UBAP2: variants seen among roughly 807,000 people sequenced by gnomAD.
UBAP2 encodes ubiquitin-associated protein 2.
In UBAP2, 75 loss-of-function variants were observed where a neutral mutation model predicts 139.6. That is an observed-to-expected ratio of 0.54 (90% confidence interval 0.45 to 0.65). The LOEUF is 0.65. Among genes scored for constraint, UBAP2 ranks in the 30% least tolerant of loss-of-function variants. UBAP2 has a pLI of 0.00. For synonymous variants in UBAP2, 526 were observed against 526.2 expected (o/e 1.00, Z 0.01); for missense variants, 1,368 against 1,369.6 (o/e 1.00, Z 0.02).
chr9:33,922,648 G>A (rs1233042192), intron 28 of UBAP2, 39 bp downstream of exon 28: 18 of 1,590,698 alleles, frequency 1.1e-5, no homozygotes, highest in Admixed American at 1.7e-5. Context: ...CAGAACCCCT[G>A]GCCCAGAGTA....
chr9:34,021,779 G>A (rs1824964807), intron 1 of UBAP2, among the ~76,000 whole-genome samples: 2 of 151,994 alleles, frequency 1.3e-5, no homozygotes, highest in South Asian at 4.2e-4. Context: ...GACTACAGAC[G>A]CCTGCCACCA....
At chr9:33,985,990 C>T (rs1449981900) in intron 6 of UBAP2, among the ~76,000 whole-genome samples, 4 of 152,032 alleles carry the variant, frequency 2.6e-5, no homozygotes, top group African/African-American at 9.7e-5. Flanking sequence ...CACTGCACTC[C>T]AGCCTGGGTG....
At chr9:33,963,103 C>T (rs1192171098) in intron 9 of UBAP2, among the ~76,000 whole-genome samples, 1 of 152,120 alleles carries the variant, frequency 6.6e-6, no homozygotes, top group Admixed American at 6.5e-5. Context: ...AATCTGAGTA[C>T]ATTTAAAAGC....
intron 1 of UBAP2, among the ~76,000 whole-genome samples, chr9:34,029,243 T>C (rs961757940): frequency 8.6e-5 from 13 of 150,524 alleles, no homozygotes; most frequent in African/African-American, 3.2e-4. Flanking sequence ...AATGTGTACA[T>C]AGGGCCAGGC....
intron 4 of UBAP2, among the ~76,000 whole-genome samples, chr9:33,989,437 G>C (rs757895907): frequency 6.6e-6 from 1 of 152,056 alleles, no homozygotes; most frequent in Non-Finnish European, 1.5e-5. Flanking sequence ...TCCTGACCTC[G>C]TGATCTGCCC....
intron 20 of UBAP2, 73 bp from the exon 21 acceptor site, chr9:33,927,153 G>A (rs1289661808): frequency 1.1e-5 from 13 of 1,204,522 alleles, no homozygotes; most frequent in Non-Finnish European, 1.5e-5. Flanking sequence ...TGCTTCAGGA[G>A]GAGGCACAGT....
intron 12 of UBAP2, among the ~76,000 whole-genome samples, chr9:33,952,400 T>C (rs1474509267): frequency 2.0e-5 from 3 of 152,148 alleles, no homozygotes; most frequent in East Asian, 1.9e-4. Flanking sequence ...TTAACACACA[T>C]TGGAAGTCAG....
intron 2 of UBAP2, among the ~76,000 whole-genome samples, chr9:33,999,455 GCT>G (rs1459122789): frequency 1.3e-5 from 2 of 152,090 alleles, no homozygotes; most frequent in Non-Finnish European, 2.9e-5. Flanking sequence ...TGTCAAAAAA[GCT>G]CTGTTGTCAG....
At chr9:33,958,706 CTTTTTTTTT>C (rs35500529) in intron 10 of UBAP2, among the ~76,000 whole-genome samples, 1 of 122,766 alleles carries the variant, frequency 8.1e-6, no homozygotes, top group African/African-American at 3.1e-5. Context: ...TGTGCCCGGC[CTTTTTTTTT>C]TTTTTTTTTA....
At chr9:33,940,317 T>C (rs909654841) in intron 16 of UBAP2, among the ~76,000 whole-genome samples, 3 of 151,958 alleles carry the variant, frequency 2.0e-5, no homozygotes, top group Non-Finnish European at 4.4e-5. Flanking sequence ...CTAGGAGGGG[T>C]TCTTGTGGGG....
chr9:34,041,134 T>C (rs1409179168), intron 1 of UBAP2, among the ~76,000 whole-genome samples: 1 of 152,060 alleles, frequency 6.6e-6, no homozygotes, highest in Non-Finnish European at 1.5e-5. Flanking sequence ...TGGCACATCC[T>C]TACAATGTAA....
chr9:33,944,836 T>C (rs1825531384), intron 13 of UBAP2, among the ~76,000 whole-genome samples, 197 bp from the exon 14 acceptor site: 1 of 152,186 alleles, frequency 6.6e-6, no homozygotes, highest in South Asian at 2.1e-4. Flanking sequence ...TTGTTTCCTA[T>C]CCAGAGAGAT....
At position 33,922,506 on chromosome 9, in the gene UBAP2, A is replaced by G; in HGVS notation, c.3358T>C (p.Ter1120GlnextTer53). The G allele has an allele frequency of 3.7e-6, 6 of 1,613,584 alleles. No individual in the cohort carries two copies. Among genetic ancestry groups the G allele is most frequent in the Non-Finnish European group, 5.1e-6 (6 of 1,179,832 alleles). The change falls in exon 29 of 29, where the codon TAA becomes CAA. Residue 1120 changes from the stop codon to glutamine (Q), a stop_lost. Transcript: ENST00000379238. ...CAGCCCACCCCTCTCTTCTGGGTTT[A>G]GTTTGTCCAGTATGGAGAGTTGCCG... ...AYGNSPYWTN[*>Q]
intron 2 of UBAP2, among the ~76,000 whole-genome samples, chr9:34,000,540 T>A (rs1822613831): frequency 1.3e-5 from 2 of 152,156 alleles, no homozygotes; most frequent in African/African-American, 4.8e-5. Flanking sequence ...GTCTATTAAA[T>A]CTAAAATTAC....
chr9:34,018,206 AC>A (rs1437017995), intron 1 of UBAP2, among the ~76,000 whole-genome samples: 2 of 144,834 alleles, frequency 1.4e-5, no homozygotes, highest in African/African-American at 5.0e-5. Context: ...CCTACTTCCT[AC>A]CCTTTAGGGA....
At chr9:33,934,374 C>A (rs1824272481) in intron 17 of UBAP2, 1 of 155,792 alleles carries the variant, frequency 6.4e-6, no homozygotes, top group East Asian at 1.9e-4. Context: ...TTGTCTTTTC[C>A]AGTTAGGAAA....
At chr9:34,032,756 T>A (rs912305662) in intron 1 of UBAP2, among the ~76,000 whole-genome samples, 1 of 151,950 alleles carries the variant, frequency 6.6e-6, no homozygotes, top group African/African-American at 2.4e-5. Flanking sequence ...AAACCCTATC[T>A]TTACAAACAA....
In UBAP2 at chr9:34,030,428, G is replaced by A. The variant is rs371331701; in HGVS notation, c.-41-13239C>T. On this transcript the variant is annotated intron_variant, in intron 1 of 28. Transcript: ENST00000379238. Reference sequence around the variant, plus strand: ...CGCGCCACTGCACTCCAGCCTGGGCGACAGAGCCAGATTCCATCTCAAAAA... The same window carrying A: ...CGCGCCACTGCACTCCAGCCTGGGCAACAGAGCCAGATTCCATCTCAAAAA... 3.7e-3 allele frequency among the ~76,000 whole-genome samples: 569 copies of A among 152,086 alleles called. 5 individuals are homozygous for A. The highest frequency in any genetic ancestry group is 0.013 in the African/African-American group (530 of 41,488).
At chr9:33,975,058 A>G (rs2131070129) in intron 6 of UBAP2, among the ~76,000 whole-genome samples, 1 of 152,350 alleles carries the variant, frequency 6.6e-6, no homozygotes, top group South Asian at 2.1e-4. Context: ...AGGGAAATCC[A>G]AATCAAAACC....
Sources: allele counts gnomAD v4.1 joint callset (sites outside exome capture counted in the v4.1 genomes callset), GRCh38; gene constraint gnomAD v4.1.1; transcripts MANE v1.5; gene names NCBI Gene and HGNC (gene_info 2026-07-23, HGNC 2026-07-21).